Variants in LMAN1 observed in about 807,000 individuals in gnomAD.
LMAN1 encodes the protein protein ERGIC-53.
In LMAN1, 32 loss-of-function variants were observed where a neutral mutation model predicts 67.8. That is an observed-to-expected ratio of 0.47 (90% CI 0.36 to 0.63). LMAN1 has a LOEUF of 0.63. Among genes scored for constraint, LMAN1 ranks in the 30% least tolerant of loss-of-function variants. The pLI is 0.00. For synonymous variants in LMAN1, 235 were observed against 219.3 expected (o/e 1.07, Z -0.63); for missense variants, 632 against 628.2 (o/e 1.01, Z -0.06).
intron 8 of LMAN1, among the ~76,000 whole-genome samples, chr18:59,344,018 T>C (rs752761807): frequency 5.3e-5 from 8 of 152,006 alleles, no homozygotes; most frequent in Admixed American, 1.3e-4. Flanking sequence ...GACACGCAAG[T>C]GGCCAACAAA....
intron 1 of LMAN1, among the ~76,000 whole-genome samples, chr18:59,356,742 CACTT>C (rs1311129060): frequency 6.6e-6 from 1 of 152,196 alleles, no homozygotes; most frequent in African/African-American, 2.4e-5. Context: ...ACTTCACTGA[CACTT>C]ACTACTTATG....
chr18:59,347,481 G>T lies in LMAN1; in HGVS notation c.822+32C>A, dbSNP rs7234168. On this transcript the variant is annotated intron_variant, in intron 7 of 12. Coordinates refer to ENST00000251047, the MANE Select transcript of LMAN1 (RefSeq NM_005570.4). ...GTTCAGCTAAAAGGCAAACTAAACT[G>T]ATAAAGTTTTTGAAAATATGTGTAA... The T allele has an allele frequency of 0.06, 91,958 of 1,538,012 alleles. 4,790 individuals are homozygous for T. Among genetic ancestry groups the T allele is most frequent in the African/African-American group, 0.27 (19,665 of 72,260 alleles).
At chr18:59,342,557 A>G (rs556070165) in intron 8 of LMAN1, among the ~76,000 whole-genome samples, 1 of 152,254 alleles carries the variant, frequency 6.6e-6, no homozygotes, top group East Asian at 1.9e-4. Flanking sequence ...AAACAGAATT[A>G]AGAACAAAAC....
chr18:59,350,159 T>C (rs1454533145), intron 5 of LMAN1, among the ~76,000 whole-genome samples: 2 of 152,234 alleles, frequency 1.3e-5, no homozygotes, highest in African/African-American at 2.4e-5. Flanking sequence ...TTACTCTCTA[T>C]ATACTGTAGA....
chr18:59,339,012 T>A, intron 8 of LMAN1, 59 bp from the exon 9 acceptor site: 2 of 1,484,892 alleles, frequency 1.3e-6, no homozygotes, highest in South Asian at 1.1e-5. Context: ...GTTTTTGAAA[T>A]AACGTAAGTG....
At chr18:59,334,228 T>C (rs978478525) in intron 10 of LMAN1, among the ~76,000 whole-genome samples, 1 of 152,228 alleles carries the variant, frequency 6.6e-6, no homozygotes, top group Non-Finnish European at 1.5e-5. Context: ...CTTTTTAATA[T>C]ACCAAAGATT....
chr18:59,339,052 G>A (rs1908230234), intron 8 of LMAN1, 99 bp from the exon 9 acceptor site: 1 of 863,156 alleles, frequency 1.2e-6, no homozygotes, highest in East Asian at 2.5e-5. Context: ...GCAAAATTAG[G>A]ACATCACCAT....
At chr18:59,341,431 G>A (rs777057527) in intron 8 of LMAN1, among the ~76,000 whole-genome samples, 5 of 152,032 alleles carry the variant, frequency 3.3e-5, no homozygotes, top group South Asian at 2.1e-4. Flanking sequence ...AAGACTCTCC[G>A]ACACAGGACT....
At position 59,327,982 on chromosome 18, in the gene LMAN1, A is replaced by C. The variant is rs2070723142; in HGVS notation, c.*3111T>G. ...TAAACTTTAAGTAATGTCATAAAAG[A>C]AATATATTAAACAAGCAACAGACAG... On this transcript the variant is annotated 3_prime_UTR_variant, in exon 13 of 13. Coordinates refer to ENST00000251047, the MANE Select transcript of LMAN1 (RefSeq NM_005570.4). 6.6e-6 allele frequency: 1 copy of C among 152,228 alleles called. No individual in the cohort carries two copies. Among genetic ancestry groups the C allele is most frequent in the Non-Finnish European group, 1.5e-5 (1 of 68,030 alleles). 9.4% of individuals were successfully genotyped at this position (152,228 alleles called of 1,614,324 possible). A position where few individuals can be genotyped will look rare whatever the true frequency, so the allele number is the denominator to read the frequency against.
intron 7 of LMAN1, 59 bp downstream of exon 7, chr18:59,347,454 A>C: frequency 7.9e-7 from 1 of 1,263,342 alleles, no homozygotes; most frequent in Non-Finnish European, 1.1e-6. Context: ...GTCTTCCAAA[A>C]CGTTCAGCTA....
At chr18:59,332,965 C>A (rs1055472105) in intron 11 of LMAN1, 126 bp downstream of exon 11, 2 of 774,316 alleles carry the variant, frequency 2.6e-6, no homozygotes, top group Admixed American at 4.7e-5. Flanking sequence ...ATAAATGGGA[C>A]AATTCTACCT....
chr18:59,333,791 A>C (rs958647969), intron 10 of LMAN1: 2 of 152,162 alleles, frequency 1.3e-5, no homozygotes, highest in African/African-American at 4.8e-5. Context: ...TGGAGGAATA[A>C]ATAAATAAGT....
intron 10 of LMAN1, 104 bp from the exon 11 acceptor site, chr18:59,333,348 AT>A: frequency 1.2e-6 from 1 of 810,870 alleles, no homozygotes; most frequent in Non-Finnish European, 1.9e-6. Flanking sequence ...ATATTACATC[AT>A]TTAAAAAAAA....
chr18:59,344,336 C>A (rs779516435), intron 8 of LMAN1, among the ~76,000 whole-genome samples: 11 of 152,138 alleles, frequency 7.2e-5, no homozygotes, highest in Non-Finnish European at 1.3e-4. Flanking sequence ...AAGATACTTG[C>A]ACTTATACGT....
chr18:59,359,209 T>G lies in LMAN1; in HGVS notation c.36A>C (p.Arg12Ser). 1 of 1,613,916 alleles carries G rather than the reference T, an allele frequency of 6.2e-7. No individual in the cohort carries two copies. Residue 12 changes from arginine (R) to serine (S), a missense_variant, in exon 1 of 13, where the codon AGA (arginine) becomes AGC (serine). By Grantham distance (110) the Arg-to-Ser change is moderately radical. Coordinates refer to ENST00000251047, the MANE Select transcript of LMAN1 (RefSeq NM_005570.4). ...AGSRQRGLRA[R>S]VRPLFCALLL... ...GCAAGGCGCAGAACAGCGGCCGAAC[T>G]CTGGCCCGGAGACCCCTTTGCCTGG...
At chr18:59,332,232 G>A (rs544683579) in intron 11 of LMAN1, among the ~76,000 whole-genome samples, 2 of 151,998 alleles carry the variant, frequency 1.3e-5, no homozygotes, top group South Asian at 4.2e-4. Context: ...TTTGGTCATT[G>A]CAACAAAGAC....
At chr18:59,334,722 A>G (rs1955473648) in intron 10 of LMAN1, among the ~76,000 whole-genome samples, 1 of 152,230 alleles carries the variant, frequency 6.6e-6, no homozygotes. Context: ...CAGAAAAGCT[A>G]CATGCTTTCT....
rs772475863 is a variant in LMAN1 at position 59,331,481 on chromosome 18, G to A, written c.1433C>T (p.Thr478Met). The part of the protein sequence containing the change: ...ELPPFPSCLS[T>M]VHFIIFVVVQ... The stretch of plus-strand genomic sequence containing the variant: ...CACAACAAATATAATGAAGTGGACC[G>A]TAGACAAACATGATGGAAATGGTGG... The change falls in exon 12 of 13, where the codon ACG (threonine) becomes ATG (methionine). Residue 478 changes from threonine to methionine, a missense_variant. Coordinates refer to ENST00000251047, the MANE Select transcript of LMAN1 (RefSeq NM_005570.4). 25 of 1,610,848 alleles carry A rather than the reference G, an allele frequency of 1.6e-5. No individual in the cohort carries two copies. Among genetic ancestry groups the A allele is most frequent in the African/African-American group, 1.2e-4 (9 of 74,800 alleles).
intron 10 of LMAN1, among the ~76,000 whole-genome samples, chr18:59,334,967 G>A (rs1908108762): frequency 6.6e-6 from 1 of 152,072 alleles, no homozygotes; most frequent in Non-Finnish European, 1.5e-5. Flanking sequence ...GAGTTTGCAA[G>A]GATTGTTAAC....
Sources: gnomAD v4.1 joint callset for allele counts (sites outside exome capture counted in the v4.1 genomes callset) on GRCh38, gnomAD v4.1.1 for gene constraint, MANE v1.5 for transcripts, NCBI Gene and HGNC (gene_info 2026-07-23, HGNC 2026-07-21) for gene names.